GALC: variants seen among roughly 807,000 people sequenced by gnomAD.
GALC encodes the protein galactocerebrosidase.
In GALC, 77 loss-of-function variants were observed where a neutral mutation model predicts 91.8. The observed-to-expected ratio is 0.84, with a 90% CI of 0.70 to 1.01. GALC has a LOEUF of 1.01. Among genes scored for constraint, GALC ranks in the 50% least tolerant of loss-of-function variants. The pLI, the probability that GALC is intolerant of heterozygous loss-of-function variation, is 0.00. For missense variants in GALC, 882 were observed against 855.9 expected (o/e 1.03, Z -0.38); for synonymous variants, 357 against 306.7 (o/e 1.16, Z -1.71).
chr14:87,935,875 C>T (rs751581598), intron 16 of GALC, among the ~76,000 whole-genome samples: 5 of 152,036 alleles, frequency 3.3e-5, no homozygotes, highest in Non-Finnish European at 4.4e-5. Context: ...CAGGTTTTCA[C>T]TCCAAGTTAC....
intron 8 of GALC, among the ~76,000 whole-genome samples, chr14:87,965,862 A>C (rs537172638): frequency 6.6e-6 from 1 of 152,318 alleles, no homozygotes; most frequent in African/African-American, 2.4e-5. Flanking sequence ...TAAAAAATAC[A>C]AATGTATTAT....
At chr14:87,980,209 C>A (rs1448969870) in intron 6 of GALC, among the ~76,000 whole-genome samples, 5 of 151,980 alleles carry the variant, frequency 3.3e-5, no homozygotes, top group Non-Finnish European at 5.9e-5. Flanking sequence ...GGTGAATCCC[C>A]GTCTCTACTA....
In GALC at chr14:87,986,560, T is replaced by C; in HGVS notation, c.371A>G (p.Asn124Ser). ...PSHMHYALDENYFRGYEWWLM... is the reference protein window; with the variant it reads ...PSHMHYALDESYFRGYEWWLM... ...CCACCACTCGTATCCTCGGAAATAA[T>C]TCTCATCTAGTGCATAATGCATGTG... Residue 124 changes from asparagine (N) to serine (S), a missense_variant, in exon 4 of 17, where the codon AAT becomes AGT. By Grantham distance (46) the Asn-to-Ser change is conservative. Transcript: ENST00000261304. 1 of 1,613,910 alleles carries C rather than the reference T, an allele frequency of 6.2e-7. No homozygotes were observed. Among genetic ancestry groups the C allele is most frequent in the Non-Finnish European group, 8.5e-7 (1 of 1,179,816 alleles).
Position 87,993,063 on chromosome 14 carries a change from A to T in GALC, c.102T>A (p.Cys34Ter). The T allele has an allele frequency of 6.3e-7, 1 of 1,575,642 alleles. No individual in the cohort carries two copies. The highest frequency in any genetic ancestry group is 8.6e-7 in the Non-Finnish European group (1 of 1,161,660). The change falls in exon 1 of 17, where the codon TGT becomes TGA. Residue 34 changes from cysteine to a stop codon, truncating the protein, a stop_gained. Transcript: ENST00000261304. LOFTEE classifies it high-confidence loss of function. ...ACGCGCCGCCGGGCGCCAGCAGCGC[A>T]CACAGCAGCAAGGGCACCGCGGCGC... Reference protein sequence around the residue: ...AGRAAVPLLLCALLAPGGAYV... With the variant: ...AGRAAVPLLL
intron 9 of GALC, among the ~76,000 whole-genome samples, chr14:87,963,799 C>G (rs181479389): frequency 1.4e-4 from 21 of 152,046 alleles, no homozygotes; most frequent in Admixed American, 9.9e-4. Context: ...TTATTCCCCC[C>G]CCAAACTTGG....
rs1308386886 is a variant in GALC at position 87,950,707 on chromosome 14, A to G, written c.1203T>C (p.Tyr401=). 6.2e-7 allele frequency: 1 copy of G among 1,608,960 alleles called. No homozygotes were observed. Among genetic ancestry groups the G allele is most frequent in the Admixed American group, 1.7e-5 (1 of 59,714 alleles). ...TGGCAAATTGTTGTGACACATTGAA[A>G]TAAGGAAGAAATGGCCGTATGCACT... The part of the protein sequence containing the change: ...HSKCIRPFLP[Y]FNVSQQFATF... The change falls in exon 11 of 17, where the codon TAT becomes TAC. Residue 401 remains tyrosine (Y), a synonymous_variant. Coordinates refer to ENST00000261304, the MANE Select transcript of GALC (RefSeq NM_000153.4).
chr14:87,993,559 G>T, upstream of GALC: 1 of 1,236,482 alleles, frequency 8.1e-7, no homozygotes, highest in Non-Finnish European at 1.1e-6. Context: ...CGATTCCATT[G>T]TCATCTTGGT....
chr14:87,957,259 TTAGG>T (rs1029796086), intron 10 of GALC, among the ~76,000 whole-genome samples: 1 of 152,148 alleles, frequency 6.6e-6, no homozygotes, highest in Non-Finnish European at 1.5e-5. Flanking sequence ...TTTAGTTTAA[TTAGG>T]TCCCATTTAT....
intron 4 of GALC, 124 bp from the exon 5 acceptor site, chr14:87,984,657 A>C: frequency 2.2e-6 from 2 of 915,000 alleles, no homozygotes; most frequent in Non-Finnish European, 3.5e-6. Context: ...GATCTGACTA[A>C]AGGAAAGTTT....
intron 15 of GALC, among the ~76,000 whole-genome samples, chr14:87,940,370 T>C (rs1243319172): frequency 6.6e-6 from 1 of 151,918 alleles, no homozygotes; most frequent in Non-Finnish European, 1.5e-5. Context: ...ATTGGTCACA[T>C]GGTAATAGTA....
intron 16 of GALC, among the ~76,000 whole-genome samples, chr14:87,936,511 C>A (rs998929756): frequency 1.3e-5 from 2 of 151,654 alleles, no homozygotes; most frequent in Non-Finnish European, 1.5e-5. Context: ...ACATGGCCCA[C>A]GAAGTCTAAA....
intron 13 of GALC, among the ~76,000 whole-genome samples, chr14:87,945,976 T>C (rs531977533): frequency 6.6e-6 from 1 of 152,136 alleles, no homozygotes; most frequent in South Asian, 2.1e-4. Context: ...GCATCTGGTG[T>C]AGAGGAAAGG....
At chr14:87,987,080 G>GA (rs1887007675) in intron 3 of GALC, 15 of 428,498 alleles carry the variant, frequency 3.5e-5, no homozygotes, top group Admixed American at 5.5e-5. Flanking sequence ...GAGTTTTGAG[G>GA]AAAAAAAAAG....
chr14:87,993,125 C>T lies in GALC; in HGVS notation c.40G>A (p.Ala14Thr), dbSNP rs1180517690. ...WLLSASWQRR[A>T]KAMTAAAGSA... The stretch of plus-strand genomic sequence containing the variant: ...CCCGCGGCCGCAGTCATAGCTTTCG[C>T]TCGGCGTTGCCAGGAAGCCGAGAGT... The change falls in exon 1 of 17, where the codon GCG becomes ACG. Residue 14 changes from alanine (A) to threonine (T), a missense_variant. Coordinates refer to ENST00000261304, the MANE Select transcript of GALC (RefSeq NM_000153.4). 7 of 1,585,854 alleles carry T rather than the reference C, an allele frequency of 4.4e-6. No individual in the cohort carries two copies. Among genetic ancestry groups the T allele is most frequent in the South Asian group, 1.1e-5 (1 of 87,504 alleles).
chr14:87,950,648 T>G lies in GALC; in HGVS notation c.1251+11A>C. ...ATCAAAACTAAAATAAAGTTAAACATATTTACTTACAAAAGATCCCTTAAG... is the reference window on the plus strand; with the variant it reads ...ATCAAAACTAAAATAAAGTTAAACAGATTTACTTACAAAAGATCCCTTAAG... On this transcript the variant is annotated intron_variant, in intron 11 of 16. Transcript: ENST00000261304. 1.3e-6 allele frequency: 2 copies of G among 1,499,666 alleles called. No homozygotes were observed. Among genetic ancestry groups the G allele is most frequent in the Non-Finnish European group, 1.9e-6 (2 of 1,077,572 alleles). The allele number at this position is 1,499,666 out of a possible 1,614,324, so 92.9% of individuals were successfully genotyped here. A position where few individuals can be genotyped will look rare whatever the true frequency, so the allele number is the denominator to read the frequency against.
intron 9 of GALC, among the ~76,000 whole-genome samples, chr14:87,964,442 TAATA>T (rs1885944190): frequency 6.6e-6 from 1 of 152,166 alleles, no homozygotes; most frequent in South Asian, 2.1e-4. Flanking sequence ...AACAAAATGG[TAATA>T]AATGTTTATA....
At position 87,934,129 on chromosome 14, in the gene GALC, T is replaced by G. The variant is rs1312044709; in HGVS notation, c.*603A>C. The G allele has an allele frequency of 2.8e-6, 4 of 1,439,684 alleles. No individual in the cohort carries two copies. Among genetic ancestry groups the G allele is most frequent in the Non-Finnish European group, 2.7e-6 (3 of 1,094,524 alleles). 89.2% of individuals were successfully genotyped at this position (1,439,684 alleles called of 1,614,324 possible). The stretch of plus-strand genomic sequence containing the variant: ...CTGCAGAAATAGTGTTAGAGGTAGT[T>G]TATTAAAGAGGCATTTTTAAAATCA... On this transcript the variant is annotated 3_prime_UTR_variant, in exon 17 of 17. Coordinates refer to ENST00000261304, the MANE Select transcript of GALC (RefSeq NM_000153.4).
Position 87,968,411 on chromosome 14 carries a change from T to G in GALC, c.832A>C (p.Thr278Pro), listed in dbSNP as rs886042645. Residue 278 changes from threonine (T) to proline (P), a missense_variant, in exon 8 of 17, where the codon ACT becomes CCT. By Grantham distance (38) the Thr-to-Pro change is conservative. Transcript: ENST00000261304. ...CCTGCACCCATGTCACTATTTAAAG[T>G]GCTAAAGTCTTCAGAAGACCAAAGC... The part of the protein sequence containing the change: ...KKLWSSEDFS[T>P]LNSDMGAGCW... 1.2e-6 allele frequency: 2 copies of G among 1,613,836 alleles called. No homozygotes were observed. Among genetic ancestry groups the G allele is most frequent in the Non-Finnish European group, 1.7e-6 (2 of 1,179,784 alleles).
At chr14:87,992,296 C>A in intron 1 of GALC, 1 of 1,535,692 alleles carries the variant, frequency 6.5e-7, no homozygotes. Flanking sequence ...AAACAAAAAC[C>A]TTCTCACCCA....
Sources: gnomAD v4.1 joint callset for allele counts (sites outside exome capture counted in the v4.1 genomes callset) on GRCh38, gnomAD v4.1.1 for gene constraint, MANE v1.5 for transcripts, NCBI Gene and HGNC (gene_info 2026-07-23, HGNC 2026-07-21) for gene names.